Variants in PTPN12 observed in about 807,000 individuals in gnomAD.
PTPN12 encodes the protein tyrosine-protein phosphatase non-receptor type 12.
In PTPN12, 29 loss-of-function variants were observed where a neutral mutation model predicts 97.6. That is an observed-to-expected ratio of 0.30 (90% CI 0.22 to 0.41). The LOEUF (loss-of-function observed/expected upper bound fraction) is 0.41, where lower values mean the gene tolerates loss of function less well. Among genes scored for constraint, PTPN12 ranks in the 10% least tolerant of loss-of-function variants. PTPN12 has a pLI of 1.00. For synonymous variants in PTPN12, 327 were observed against 300.4 expected (o/e 1.09, Z -0.91); for missense variants, 819 against 926.0 (o/e 0.88, Z 1.50).
intron 13 of PTPN12, among the ~76,000 whole-genome samples, chr7:77,628,465 T>G (rs1348025334): frequency 6.6e-6 from 1 of 152,146 alleles, no homozygotes; most frequent in Non-Finnish European, 1.5e-5. Flanking sequence ...ATATTGATTA[T>G]CAGTGGTCAC....
intron 3 of PTPN12, among the ~76,000 whole-genome samples, chr7:77,582,325 A>G (rs532080296): frequency 6.6e-6 from 1 of 151,964 alleles, no homozygotes; most frequent in South Asian, 2.1e-4. Flanking sequence ...GTAGAGATAG[A>G]TGCAAAGTGC....
At chr7:77,589,304 A>G (rs531546864) in intron 5 of PTPN12, among the ~76,000 whole-genome samples, 1 of 152,282 alleles carries the variant, frequency 6.6e-6, no homozygotes, top group East Asian at 1.9e-4. Flanking sequence ...TTTTTATGCT[A>G]TGTCGAAGTA....
chr7:77,623,231 G>A (rs1789008788), intron 12 of PTPN12, among the ~76,000 whole-genome samples: 1 of 152,140 alleles, frequency 6.6e-6, no homozygotes, highest in African/African-American at 2.4e-5. Context: ...GAAATTTGGA[G>A]TAAGTTTTTT....
intron 2 of PTPN12, among the ~76,000 whole-genome samples, chr7:77,571,699 A>C (rs1171291191): frequency 1.4e-4 from 2 of 14,642 alleles, no homozygotes; most frequent in African/African-American, 2.0e-3. Context: ...ATGATATTTT[A>C]TTTATTTATT....
At chr7:77,547,410 A>G (rs746785268) in intron 1 of PTPN12, among the ~76,000 whole-genome samples, 1 of 152,116 alleles carries the variant, frequency 6.6e-6, no homozygotes, top group Non-Finnish European at 1.5e-5. Context: ...GTGTAAGCCC[A>G]TTTTAGGGGG....
intron 1 of PTPN12, among the ~76,000 whole-genome samples, chr7:77,561,772 T>C (rs952484497): frequency 1.1e-3 from 160 of 151,758 alleles, no homozygotes; most frequent in Middle Eastern, 0.01. Context: ...AATTAATTAA[T>C]TAATTAATTA....
intron 1 of PTPN12, among the ~76,000 whole-genome samples, chr7:77,560,077 A>G (rs549255355): frequency 4.6e-5 from 7 of 152,326 alleles, no homozygotes; most frequent in African/African-American, 1.7e-4. Flanking sequence ...AGGTGGAGTT[A>G]ATGTGAAGCC....
intron 8 of PTPN12, among the ~76,000 whole-genome samples, chr7:77,606,641 C>T (rs1407656563): frequency 6.6e-6 from 1 of 152,238 alleles, no homozygotes; most frequent in Non-Finnish European, 1.5e-5. Flanking sequence ...GTTTCAGTTA[C>T]TCATAGTTCA....
intron 9 of PTPN12, 72 bp downstream of exon 9, chr7:77,607,373 T>G (rs1788408772): frequency 2.8e-6 from 3 of 1,057,504 alleles, no homozygotes; most frequent in Admixed American, 2.0e-5. Context: ...ATAATTGCAG[T>G]AAATTATAGT....
chr7:77,607,840 A>G (rs191621474), intron 9 of PTPN12, among the ~76,000 whole-genome samples: 73 of 148,740 alleles, frequency 4.9e-4, no homozygotes, highest in African/African-American at 1.8e-3. Flanking sequence ...TGCAACCTCC[A>G]CCTCCTGGGT....
At chr7:77,579,271 G>A (rs1461453573) in intron 2 of PTPN12, among the ~76,000 whole-genome samples, 4 of 151,970 alleles carry the variant, frequency 2.6e-5, no homozygotes, top group South Asian at 2.1e-4. Flanking sequence ...ACAGGCATGC[G>A]CCACGATGCC....
chr7:77,545,168 C>G (rs1158679164), intron 1 of PTPN12, among the ~76,000 whole-genome samples: 1 of 152,146 alleles, frequency 6.6e-6, no homozygotes, highest in Non-Finnish European at 1.5e-5. Flanking sequence ...TTAATAAAAT[C>G]AAGATATCAT....
chr7:77,635,883 T>G, intron 15 of PTPN12, 34 bp downstream of exon 15: 1 of 1,414,046 alleles, frequency 7.1e-7, no homozygotes, highest in Non-Finnish European at 9.7e-7. Context: ...AGTTATAGCT[T>G]AACATTTCTA....
In PTPN12 at chr7:77,583,584, A is replaced by T. The variant is rs759508407; in HGVS notation, c.315A>T (p.Ala105=). ...TCTATGGGCCAAAAGCATATGTAGCAACTCAAGGACCTTTAGCAAATACAG... is the reference window on the plus strand; with the variant it reads ...TCTATGGGCCAAAAGCATATGTAGCTACTCAAGGACCTTTAGCAAATACAG... ...KGVYGPKAYV[A]TQGPLANTVI... Residue 105 remains alanine, a synonymous_variant, in exon 4 of 18, where the codon GCA becomes GCT. Coordinates refer to ENST00000248594, the MANE Select transcript of PTPN12 (RefSeq NM_002835.4). 1 of 1,611,502 alleles carries T rather than the reference A, an allele frequency of 6.2e-7. No homozygotes were observed. The highest frequency in any genetic ancestry group is 2.2e-5 in the East Asian group (1 of 44,700).
At chr7:77,553,619 G>A (rs1807571996) in intron 1 of PTPN12, among the ~76,000 whole-genome samples, 1 of 152,090 alleles carries the variant, frequency 6.6e-6, no homozygotes, top group Non-Finnish European at 1.5e-5. Flanking sequence ...TTTTATTTTT[G>A]TGTTAGCTGA....
intron 1 of PTPN12, among the ~76,000 whole-genome samples, chr7:77,554,656 G>C (rs1233518165): frequency 2.6e-5 from 4 of 151,882 alleles, no homozygotes; most frequent in Non-Finnish European, 5.9e-5. Context: ...TTCTCACAAG[G>C]TAGGTCTGTG....
At chr7:77,593,286 T>A (rs948477767) in intron 6 of PTPN12, among the ~76,000 whole-genome samples, 3 of 145,688 alleles carry the variant, frequency 2.1e-5, no homozygotes, top group African/African-American at 7.7e-5. Flanking sequence ...AAAAAAAAAA[T>A]TAATGAATTT....
At chr7:77,608,513 G>C (rs1317382543) in intron 9 of PTPN12, among the ~76,000 whole-genome samples, 1 of 152,132 alleles carries the variant, frequency 6.6e-6, no homozygotes, top group Non-Finnish European at 1.5e-5. Flanking sequence ...TGATTCTTTT[G>C]CTGGTTCCAT....
chr7:77,624,893 C>T (rs10259676), intron 12 of PTPN12, among the ~76,000 whole-genome samples: 8 of 151,276 alleles, frequency 5.3e-5, no homozygotes, highest in African/African-American at 1.9e-4. Flanking sequence ...CAGCACTTTG[C>T]GGGGGCCGAG....
Sources: allele counts gnomAD v4.1 joint callset (sites outside exome capture counted in the v4.1 genomes callset), GRCh38; gene constraint gnomAD v4.1.1; transcripts MANE v1.5; gene names NCBI Gene and HGNC (gene_info 2026-07-23, HGNC 2026-07-21).